The following ADCK2 variants were observed in gnomAD, a reference collection of about 807,000 sequenced individuals.
ADCK2 encodes aarF domain containing kinase 2.
Under a neutral mutation model 52.3 loss-of-function variants are expected in ADCK2, and 37 were observed. That is an observed-to-expected ratio of 0.71 (90% CI 0.54 to 0.93). ADCK2 has a LOEUF of 0.93. ADCK2 is among the 40% of genes least tolerant of loss of function. The pLI is 0.00. For synonymous variants in ADCK2, 321 were observed against 349.2 expected (o/e 0.92, Z 0.90); for missense variants, 695 against 798.7 (o/e 0.87, Z 1.56).
chr7:140,690,559 C>T (rs577814411), intron 6 of ADCK2, among the ~76,000 whole-genome samples: 4 of 151,982 alleles, frequency 2.6e-5, no homozygotes, highest in East Asian at 3.9e-4. Context: ...CCTCTGTGAC[C>T]GAGTCTTGAG....
chr7:140,680,500 G>C (rs1021063081), intron 3 of ADCK2, among the ~76,000 whole-genome samples: 2 of 149,332 alleles, frequency 1.3e-5, no homozygotes, highest in African/African-American at 2.5e-5. Flanking sequence ...ACGTTGCCCA[G>C]ACCCCTATTG....
chr7:140,683,021 A>AT (rs1338227271), intron 4 of ADCK2, among the ~76,000 whole-genome samples: 1 of 142,256 alleles, frequency 7.0e-6, no homozygotes, highest in East Asian at 2.0e-4. Context: ...AAAAAAAAAA[A>AT]GCCAGGCGCA....
intron 5 of ADCK2, 106 bp downstream of exon 5, chr7:140,687,347 A>C (rs1350377410): frequency 7.1e-7 from 1 of 1,411,018 alleles, no homozygotes; most frequent in Non-Finnish European, 9.4e-7. Context: ...TGGAAGCCTG[A>C]GCGGGGAGGA....
chr7:140,690,235 C>T (rs1456718430), intron 6 of ADCK2, among the ~76,000 whole-genome samples: 1 of 152,060 alleles, frequency 6.6e-6, no homozygotes, highest in African/African-American at 2.4e-5. Context: ...TGGAGTCTTG[C>T]TGTATCACCC....
chr7:140,674,372 T>A lies in ADCK2; in HGVS notation c.933+109T>A, dbSNP rs918837248. 1 of 1,247,020 alleles carries A rather than the reference T, an allele frequency of 8.0e-7. No homozygotes were observed. The highest frequency in any genetic ancestry group is 2.7e-5 in the Admixed American group (1 of 37,172). 77.2% of individuals were successfully genotyped at this position (1,247,020 alleles called of 1,614,324 possible). A position where few individuals can be genotyped will look rare whatever the true frequency, so the allele number is the denominator to read the frequency against. On this transcript the variant is annotated intron_variant, in intron 1 of 7. Transcript: ENST00000072869. This position sits in a 1 kb window ranked among gnomAD's most constrained non-coding sequence, Gnocchi z 4.6. ...TTTATTTCTATTTGCCTGACCAATA[T>A]CTGAGTGCTTATTTCATGCAAGCTG... is the stretch of plus-strand genomic sequence containing the variant.
Position 140,673,392 on chromosome 7 carries a change from T to A in ADCK2, c.62T>A (p.Leu21His). Reference protein sequence around the residue: ...VCLSHLRCFELRQGLSLLRPS... With the variant: ...VCLSHLRCFEHRQGLSLLRPS... The stretch of plus-strand genomic sequence containing the variant: ...CTGTCGCACCTGAGGTGCTTCGAGC[T>A]CAGACAGGGACTCAGCCTCCTGAGG... The change falls in exon 1 of 8, where the codon CTC becomes CAC. Residue 21 changes from leucine (L) to histidine (H), a missense_variant. Transcript: ENST00000072869. The surrounding 1 kb of genome is among the most constrained non-coding windows in gnomAD (Gnocchi z 6.4). The A allele has an allele frequency of 3.8e-6, 6 of 1,561,652 alleles. No homozygotes were observed. The highest frequency in any genetic ancestry group is 5.2e-6 in the Non-Finnish European group (6 of 1,153,970).
At chr7:140,685,188 C>T (rs909039677) in intron 4 of ADCK2, among the ~76,000 whole-genome samples, 2 of 152,148 alleles carry the variant, frequency 1.3e-5, no homozygotes, top group Non-Finnish European at 2.9e-5. Flanking sequence ...GTGGCTCACT[C>T]CTGTAATCCC....
rs1193116943 is a variant in ADCK2, at chr7:140,673,573, G to T, written c.243G>T (p.Ala81=). Residue 81 remains alanine, a synonymous_variant, in exon 1 of 8, where the codon GCG becomes GCT. Coordinates refer to ENST00000072869, the MANE Select transcript of ADCK2 (RefSeq NM_052853.4). This position sits in a 1 kb window ranked among gnomAD's most constrained non-coding sequence, Gnocchi z 6.4. ...RCSGAAGAGP[A]ESLPRAGPLG... ...GCGGGGCGGCTGGCGCGGGGCCCGC[G>T]GAGAGCCTCCCCCGAGCGGGACCTC... is the stretch of plus-strand genomic sequence containing the variant. 5 of 1,602,488 alleles carry T rather than the reference G, an allele frequency of 3.1e-6. No individual in the cohort carries two copies. The highest frequency in any genetic ancestry group is 4.2e-6 in the Non-Finnish European group (5 of 1,178,012).
In ADCK2 at chr7:140,674,628, G is replaced by C. The variant is rs1251570225; in HGVS notation, c.951G>C (p.Leu317=). The C allele has an allele frequency of 6.2e-7, 1 of 1,613,578 alleles. No homozygotes were observed. The highest frequency in any genetic ancestry group is 8.5e-7 in the Non-Finnish European group (1 of 1,179,804). The change falls in exon 2 of 8, where the codon CTG becomes CTC. Residue 317 remains leucine, a synonymous_variant. Coordinates refer to ENST00000072869, the MANE Select transcript of ADCK2 (RefSeq NM_052853.4). The surrounding 1 kb of genome is among the most constrained non-coding windows in gnomAD (Gnocchi z 4.6). ...SVAVKVLHPG[L]LAQVHMDLLL... is the part of the protein sequence containing the mutation. ...TCTGACAGGTGTTGCACCCTGGCCTGCTCGCTCAGGTGCATATGGACCTGC... is the reference window on the plus strand; with the variant it reads ...TCTGACAGGTGTTGCACCCTGGCCTCCTCGCTCAGGTGCATATGGACCTGC...
intron 7 of ADCK2, among the ~76,000 whole-genome samples, chr7:140,692,505 G>A (rs942383139): frequency 3.3e-5 from 5 of 152,192 alleles, no homozygotes; most frequent in Non-Finnish European, 7.3e-5. Flanking sequence ...TTACAGGCAA[G>A]TGCCACCATG....
intron 5 of ADCK2, among the ~76,000 whole-genome samples, chr7:140,688,002 G>A (rs964412546): frequency 1.3e-4 from 19 of 151,774 alleles, no homozygotes; most frequent in Non-Finnish European, 2.1e-4. Context: ...TACAGGCTGG[G>A]CAGGGGGTGA....
At chr7:140,694,268 A>G (rs1456300396) in intron 7 of ADCK2, among the ~76,000 whole-genome samples, 2 of 152,224 alleles carry the variant, frequency 1.3e-5, no homozygotes, top group African/African-American at 4.8e-5. Flanking sequence ...TAGGTGACAG[A>G]GTGAGACCCT....
At position 140,673,981 on chromosome 7, in the gene ADCK2, A is replaced by T. The variant is rs375011868; in HGVS notation, c.651A>T (p.Ala217=). The T allele has an allele frequency of 2.0e-5, 33 of 1,614,078 alleles. No homozygotes were observed. The highest frequency in any genetic ancestry group is 2.5e-5 in the Non-Finnish European group (30 of 1,180,040). ...GCTGCGTGGCCCAGGTGTACAAAGC[A>T]TACGCCAACACTGCCTTCCTGGAGA... ...GSGCVAQVYK[A]YANTAFLETD... is the part of the protein sequence containing the mutation. Residue 217 remains alanine, a synonymous_variant, in exon 1 of 8, where the codon GCA becomes GCT. Transcript: ENST00000072869. The surrounding 1 kb of genome is among the most constrained non-coding windows in gnomAD (Gnocchi z 6.4).
Position 140,674,523 on chromosome 7 carries a change from G to A in ADCK2, c.934-88G>A. On this transcript the variant is annotated intron_variant, in intron 1 of 7. Coordinates refer to ENST00000072869, the MANE Select transcript of ADCK2 (RefSeq NM_052853.4). The surrounding 1 kb of genome is among the most constrained non-coding windows in gnomAD (Gnocchi z 4.6). Reference sequence around the variant, plus strand: ...CTTTTCTTTGATAAGAAGCCACCTGGCTCTTGCTTGGATGGTGGGACCCAG... The same window carrying A: ...CTTTTCTTTGATAAGAAGCCACCTGACTCTTGCTTGGATGGTGGGACCCAG... 1 of 1,479,792 alleles carries A rather than the reference G, an allele frequency of 6.8e-7. No homozygotes were observed. The allele number at this position is 1,479,792 out of a possible 1,614,324, so 91.7% of individuals were successfully genotyped here. A position where few individuals can be genotyped will look rare whatever the true frequency, so the allele number is the denominator to read the frequency against.
intron 5 of ADCK2, among the ~76,000 whole-genome samples, chr7:140,689,361 G>A (rs1236796846): frequency 1.3e-5 from 2 of 152,178 alleles, no homozygotes; most frequent in Admixed American, 6.5e-5. Flanking sequence ...CCTGCAGCTG[G>A]TTTGAAAGTG....
In ADCK2 at chr7:140,673,914, G is replaced by C; in HGVS notation, c.584G>C (p.Gly195Ala). ...FLRQAFGDDW[G>A]SILSFENREP... is the part of the protein sequence containing the mutation. ...CGGCAGGCTTTTGGGGATGACTGGG[G>C]GAGCATCCTCTCTTTTGAGAACCGG... is the stretch of plus-strand genomic sequence containing the variant. The change falls in exon 1 of 8, where the codon GGG becomes GCG. Residue 195 changes from glycine (G) to alanine (A), a missense_variant. Transcript: ENST00000072869. The surrounding 1 kb of genome is among the most constrained non-coding windows in gnomAD (Gnocchi z 6.4). 6.2e-7 allele frequency: 1 copy of C among 1,614,000 alleles called. No homozygotes were observed. Among genetic ancestry groups the C allele is most frequent in the South Asian group, 1.1e-5 (1 of 91,084 alleles).
chr7:140,674,114 A>G lies in ADCK2; in HGVS notation c.784A>G (p.Lys262Glu), dbSNP rs1318353440. Residue 262 changes from lysine (K) to glutamate (E), a missense_variant, in exon 1 of 8, where the codon AAA becomes GAA. By Grantham distance (56) the Lys-to-Glu change is moderately conservative. Transcript: ENST00000072869. The surrounding 1 kb of genome is among the most constrained non-coding windows in gnomAD (Gnocchi z 4.6). ...ELFGYLGNGR[K>E]PPENLADQSF... ...CTTTGGATACCTTGGAAATGGCCGG[A>G]AACCTCCAGAAAATCTCGCAGACCA... is the stretch of plus-strand genomic sequence containing the variant. 1 of 1,614,160 alleles carries G rather than the reference A, an allele frequency of 6.2e-7. No individual in the cohort carries two copies.
chr7:140,693,152 T>C lies in ADCK2; in HGVS notation c.1741-1511T>C, dbSNP rs914210429. 3.9e-5 allele frequency among the ~76,000 whole-genome samples: 6 copies of C among 152,216 alleles called. No individual in the cohort carries two copies. Among genetic ancestry groups the C allele is most frequent in the African/African-American group, 1.4e-4 (6 of 41,452 alleles). On this transcript the variant is annotated intron_variant, in intron 7 of 7. Transcript: ENST00000072869. This position sits in a 1 kb window ranked among gnomAD's most constrained non-coding sequence, Gnocchi z 4.0. ...TCCTTAGAAGAAATATCTATTCAGGTAGCACTTAATTTTTTTAAATAAAGT... is the reference window on the plus strand; with the variant it reads ...TCCTTAGAAGAAATATCTATTCAGGCAGCACTTAATTTTTTTAAATAAAGT...
At chr7:140,679,561 C>T (rs1226579099) in intron 3 of ADCK2, among the ~76,000 whole-genome samples, 2 of 151,410 alleles carry the variant, frequency 1.3e-5, no homozygotes, top group African/African-American at 4.8e-5. Context: ...AAATGACACA[C>T]TGAATGCAAA....
Sources: allele counts gnomAD v4.1 joint callset (sites outside exome capture counted in the v4.1 genomes callset), GRCh38; gene constraint gnomAD v4.1.1; non-coding constraint Gnocchi (gnomAD v3.1); transcripts MANE v1.5; gene names NCBI Gene and HGNC (gene_info 2026-07-23, HGNC 2026-07-21).